The following RELN variants were observed in gnomAD, a reference collection of about 807,000 sequenced individuals.
The protein encoded by RELN is reelin.
In RELN, 108 loss-of-function variants were observed where a neutral mutation model predicts 427.6. The ratio of observed to expected loss-of-function variants is 0.25; its 90% CI spans 0.22 to 0.30. The LOEUF is 0.30. Among genes scored for constraint, RELN ranks in the 10% least tolerant of loss-of-function variants. RELN has a pLI of 1.00. For missense variants in RELN, 3,715 were observed against 4,302.8 expected, an observed-to-expected ratio of 0.86 and a Z score of 3.82; for synonymous variants, 1,524 against 1,513.4, an observed-to-expected ratio of 1.01 and a Z score of -0.16.
rs539932105 is a variant in RELN at position 103,489,365 on chromosome 7, A to G, written c.9763+377T>C. 2.2e-4 allele frequency among the ~76,000 whole-genome samples: 34 copies of G among 152,226 alleles called. 1 individual carries two copies. The South Asian group carries it at 6.8e-3, about 31-fold the overall frequency. On this transcript the variant is annotated intron_variant, in intron 60 of 64. Coordinates refer to ENST00000428762, the MANE Select transcript of RELN (RefSeq NM_005045.4). ...GTATGTAGGCACAGGCAGCTAGGCC[A>G]GGAAGGAGGGAGGCCCAGAAGTGGA...
chr7:103,694,646 A>G (rs556286090), intron 10 of RELN, among the ~76,000 whole-genome samples: 3 of 152,038 alleles, frequency 2.0e-5, no homozygotes, highest in Non-Finnish European at 4.4e-5. Flanking sequence ...AAATAGCTCC[A>G]TTTTATAATT....
intron 3 of RELN, among the ~76,000 whole-genome samples, chr7:103,812,571 T>C (rs914976194): frequency 6.6e-6 from 1 of 152,232 alleles, no homozygotes. Flanking sequence ...GAGGGTCTTC[T>C]ATTGCAGTTT....
At position 103,983,863 on chromosome 7, in the gene RELN, C is replaced by CTGTGTGTGTG. The variant is rs59702742; in HGVS notation, c.226+5258_226+5267dup. Among the ~76,000 whole-genome samples the CTGTGTGTGTG allele has an allele frequency of 5.2e-3, 766 of 148,526 alleles. 5 individuals are homozygous for CTGTGTGTGTG. The highest frequency in any genetic ancestry group is 0.016 in the African/African-American group (629 of 40,316). On this transcript the variant is annotated intron_variant, in intron 1 of 64. Coordinates refer to ENST00000428762, the MANE Select transcript of RELN (RefSeq NM_005045.4). ...ATGTGACACAAAGAACTTCATATTT[C>CTGTGTGTGTG]TGTGTGTGTGTGTGTGTGTGTGTGT...
chr7:103,919,644 G>A (rs1795569054), intron 1 of RELN, among the ~76,000 whole-genome samples: 2 of 152,014 alleles, frequency 1.3e-5, no homozygotes, highest in Non-Finnish European at 2.9e-5. Context: ...GACTCCACAC[G>A]CGCACCAGCT....
rs550940920 is a variant in RELN at position 103,472,767 on chromosome 7, C to A, written c.*45G>T. ...GTGCGAGATTTAAAAGAATGGAGAG[C>A]AACACATCACATGTTGGAAGAAAAA... On this transcript the variant is annotated 3_prime_UTR_variant, in exon 65 of 65. Transcript: ENST00000428762. 2.2e-5 allele frequency: 31 copies of A among 1,384,222 alleles called. 1 individual carries two copies. In the South Asian group the frequency reaches 3.6e-4, roughly 16 times the overall value. The allele number at this position is 1,384,222 out of a possible 1,614,324, so 85.7% of individuals were successfully genotyped here. A position where few individuals can be genotyped will look rare whatever the true frequency, so the allele number is the denominator to read the frequency against.
intron 2 of RELN, among the ~76,000 whole-genome samples, chr7:103,872,939 G>T (rs1794386209): frequency 6.6e-6 from 1 of 151,524 alleles, no homozygotes; most frequent in Non-Finnish European, 1.5e-5. Context: ...ATTTGTTTGA[G>T]TTCATTGTAG....
At chr7:103,736,875 GC>G (rs1790507199) in intron 6 of RELN, among the ~76,000 whole-genome samples, 1 of 152,118 alleles carries the variant, frequency 6.6e-6, no homozygotes, top group South Asian at 2.1e-4. Context: ...TGTAGATGAA[GC>G]TTTTCCCTGG....
chr7:103,927,963 A>C (rs946635125), intron 1 of RELN, among the ~76,000 whole-genome samples: 1 of 152,132 alleles, frequency 6.6e-6, no homozygotes, highest in East Asian at 1.9e-4. Context: ...ACAATTTCTA[A>C]GTAAATCTTA....
intron 19 of RELN, among the ~76,000 whole-genome samples, chr7:103,632,576 T>A (rs1003777883): frequency 2.0e-5 from 3 of 152,114 alleles, no homozygotes; most frequent in Non-Finnish European, 4.4e-5. Flanking sequence ...TCCTAACGAT[T>A]TCACCACTCT....
At position 103,918,825 on chromosome 7, in the gene RELN, G is replaced by A. The variant is rs533393650; in HGVS notation, c.227-1640C>T. Among the ~76,000 whole-genome samples, 4 of 152,216 alleles carry A rather than the reference G, an allele frequency of 2.6e-5. No individual in the cohort carries two copies. In the South Asian group the frequency reaches 6.2e-4, roughly 24 times the overall value. On this transcript the variant is annotated intron_variant, in intron 1 of 64. Coordinates refer to ENST00000428762, the MANE Select transcript of RELN (RefSeq NM_005045.4). ...AGTTGGCTATTTAAATATGTAAAAT[G>A]CTTTCCAGAGTGCAAGACAGATCAA... is the stretch of plus-strand genomic sequence containing the variant.
intron 3 of RELN, among the ~76,000 whole-genome samples, chr7:103,832,679 T>C (rs918118495): frequency 6.6e-6 from 1 of 152,102 alleles, no homozygotes; most frequent in Admixed American, 6.6e-5. Flanking sequence ...CTTGGAACCA[T>C]AGTGTAGTGT....
chr7:103,627,561 T>C (rs1254150935), intron 20 of RELN, among the ~76,000 whole-genome samples: 2 of 152,110 alleles, frequency 1.3e-5, no homozygotes, highest in Non-Finnish European at 2.9e-5. Context: ...TTTCATGTCC[T>C]TATTAAAGTG....
intron 2 of RELN, among the ~76,000 whole-genome samples, chr7:103,854,071 G>A (rs984552930): frequency 5.9e-5 from 9 of 152,130 alleles, no homozygotes; most frequent in African/African-American, 2.2e-4. Flanking sequence ...GTATCGAAAT[G>A]TCACTCTGTA....
intron 10 of RELN, among the ~76,000 whole-genome samples, chr7:103,685,865 C>T (rs893539014): frequency 6.6e-6 from 1 of 152,082 alleles, no homozygotes; most frequent in Non-Finnish European, 1.5e-5. Context: ...CAGGAAACAT[C>T]AGTGCAAATT....
chr7:103,598,260 C>A (rs1236316939), intron 24 of RELN, among the ~76,000 whole-genome samples: 1 of 152,124 alleles, frequency 6.6e-6, no homozygotes, highest in Admixed American at 6.5e-5. Flanking sequence ...TTGGAAATCT[C>A]AATTTTAGGT....
intron 2 of RELN, among the ~76,000 whole-genome samples, chr7:103,897,396 T>C (rs1316077969): frequency 2.6e-5 from 4 of 152,098 alleles, no homozygotes; most frequent in Admixed American, 6.6e-5. Context: ...TGCTTGTGTG[T>C]TCGTCTTCTG....
Position 103,809,446 on chromosome 7 carries a change from C to T in RELN, c.473+24091G>A, listed in dbSNP as rs147083966. Among the ~76,000 whole-genome samples the T allele has an allele frequency of 2.7e-5, 4 of 147,828 alleles. No homozygotes were observed. In the South Asian group the frequency reaches 9.6e-4, roughly 35 times the overall value. ...TGTACCACCTGTGCTACAGGCCTCG[C>T]GAGCAGCCAGCCACCTCCAGGAGAG... On this transcript the variant is annotated intron_variant, in intron 3 of 64. Coordinates refer to ENST00000428762, the MANE Select transcript of RELN (RefSeq NM_005045.4).
chr7:103,747,011 A>C (rs1289972107), intron 6 of RELN, among the ~76,000 whole-genome samples: 1 of 152,212 alleles, frequency 6.6e-6, no homozygotes, highest in East Asian at 1.9e-4. Flanking sequence ...CTTGGAACCA[A>C]CCTAAATGTC....
In RELN at chr7:103,565,539, T is replaced by C; in HGVS notation, c.4949A>G (p.Tyr1650Cys). 1 of 1,607,218 alleles carries C rather than the reference T, an allele frequency of 6.2e-7. No homozygotes were observed. The highest frequency in any genetic ancestry group is 2.2e-5 in the East Asian group (1 of 44,804). The stretch of plus-strand genomic sequence containing the variant: ...CACATGAAAATCCCAGGTCTCAGCA[T>C]AACGAGGTTTTCCTGAAAAAAAAAA... ...IFTENIGKPR[Y>C]AETWDFHVSA... Residue 1650 changes from tyrosine (Y) to cysteine (C), a missense_variant, in exon 34 of 65, where the codon TAT becomes TGT. Physicochemically the swap from Tyr to Cys is radical, Grantham distance 194. Transcript: ENST00000428762.
Sources: gnomAD v4.1 joint callset for allele counts (sites outside exome capture counted in the v4.1 genomes callset) on GRCh38, gnomAD v4.1.1 for gene constraint, MANE v1.5 for transcripts, NCBI Gene and HGNC (gene_info 2026-07-23, HGNC 2026-07-21) for gene names.